The following NEK11 variants were observed in gnomAD, a reference collection of about 807,000 sequenced individuals.
NEK11 encodes the protein NIMA related kinase 11, also known as serine/threonine-protein kinase Nek11.
NEK11 carries 72 observed loss-of-function variants against 80.7 expected under a neutral mutation model. The ratio of observed to expected loss-of-function variants is 0.89; its 90% CI spans 0.74 to 1.08. The LOEUF is 1.08. Ranked by LOEUF, NEK11 falls within the 50% of genes least tolerant of loss-of-function variation. The pLI is 0.00. For synonymous variants in NEK11, 251 were observed against 260.7 expected (o/e 0.96, Z 0.36); for missense variants, 764 against 763.6 (o/e 1.00, Z -0.01).
chr3:131,191,985 TC>T (rs1317394823), intron 14 of NEK11, among the ~76,000 whole-genome samples: 4 of 152,026 alleles, frequency 2.6e-5, no homozygotes, highest in Non-Finnish European at 5.9e-5. Flanking sequence ...AAGAACAGTA[TC>T]AACATAGTAA....
chr3:131,050,810 C>A (rs1251318325), intron 3 of NEK11, among the ~76,000 whole-genome samples: 1 of 152,170 alleles, frequency 6.6e-6, no homozygotes, highest in African/African-American at 2.4e-5. Flanking sequence ...AGGAGGATCG[C>A]TTGAACCCAG....
At chr3:131,058,321 A>C (rs368523474) in intron 3 of NEK11, among the ~76,000 whole-genome samples, 2 of 152,234 alleles carry the variant, frequency 1.3e-5, no homozygotes, top group East Asian at 1.9e-4. Context: ...GTCAGGTAGC[A>C]TGATGCCTCC....
chr3:131,040,690 G>A lies in NEK11; in HGVS notation c.170+10812G>A, dbSNP rs201435187. ...AGCTCAGAGAAAAATCATAGGCTTT[G>A]TTTTTGGTACCTTTATTGGGCAAGT... On this transcript the variant is annotated intron_variant, in intron 3 of 17. Transcript: ENST00000383366. Among the ~76,000 whole-genome samples, 7 of 152,128 alleles carry A rather than the reference G, an allele frequency of 4.6e-5. No homozygotes were observed. The East Asian group carries it at 1.3e-3, about 29-fold the overall frequency.
intron 14 of NEK11, among the ~76,000 whole-genome samples, chr3:131,196,589 A>G (rs993637059): frequency 2.0e-5 from 3 of 151,720 alleles, no homozygotes; most frequent in African/African-American, 7.3e-5. Flanking sequence ...GCTGGAGTAG[A>G]GTGGCATGAT....
chr3:131,070,406 A>T (rs1033812652), intron 3 of NEK11, among the ~76,000 whole-genome samples: 16 of 152,076 alleles, frequency 1.1e-4, no homozygotes, highest in African/African-American at 3.6e-4. Flanking sequence ...CAAAATGTAG[A>T]CTTCACCACC....
At chr3:131,165,268 TGC>T in intron 11 of NEK11, 156 bp from the exon 12 acceptor site, 1 of 578,696 alleles carries the variant, frequency 1.7e-6, no homozygotes, top group East Asian at 2.9e-5. Context: ...ATCAGCCGGG[TGC>T]TGCACCACAT....
At chr3:131,245,789 G>C (rs545825688) in intron 16 of NEK11, among the ~76,000 whole-genome samples, 2 of 151,610 alleles carry the variant, frequency 1.3e-5, no homozygotes, top group Admixed American at 6.6e-5. Flanking sequence ...CTTTTTATTC[G>C]AGTTAGTTGG....
At chr3:131,052,806 T>C (rs1456832073) in intron 3 of NEK11, among the ~76,000 whole-genome samples, 2 of 152,194 alleles carry the variant, frequency 1.3e-5, no homozygotes, top group Non-Finnish European at 2.9e-5. Context: ...CTCTGATGTC[T>C]TGAAAAATAT....
chr3:131,212,389 C>T (rs74575063), intron 14 of NEK11, among the ~76,000 whole-genome samples: 7 of 152,160 alleles, frequency 4.6e-5, no homozygotes, highest in Non-Finnish European at 7.3e-5. Context: ...GGCTGTATGA[C>T]GTGTCAGTCG....
chr3:131,184,944 C>T (rs2093536986), intron 14 of NEK11, among the ~76,000 whole-genome samples: 1 of 152,104 alleles, frequency 6.6e-6, no homozygotes, highest in Admixed American at 6.6e-5. Context: ...GGCCAGCCAT[C>T]CTTTAATAGA....
intron 17 of NEK11, among the ~76,000 whole-genome samples, chr3:131,331,608 G>A (rs894721534): frequency 6.6e-5 from 10 of 152,194 alleles, no homozygotes; most frequent in African/African-American, 9.6e-5. Context: ...GACAGTGGGC[G>A]CAGGACAGTG....
chr3:131,163,428 C>T (rs942402728), intron 11 of NEK11, among the ~76,000 whole-genome samples: 2 of 152,058 alleles, frequency 1.3e-5, no homozygotes, highest in African/African-American at 4.8e-5. Context: ...AAGGGAATCC[C>T]ATCATTTGCA....
At chr3:131,028,175 T>G (rs2064185068) in intron 2 of NEK11, among the ~76,000 whole-genome samples, 173 bp downstream of exon 2, 1 of 152,258 alleles carries the variant, frequency 6.6e-6, no homozygotes, top group African/African-American at 2.4e-5. Context: ...TGGTAACTAA[T>G]CTCACTGGTA....
At chr3:131,198,759 C>T (rs112607890) in intron 14 of NEK11, among the ~76,000 whole-genome samples, 2,169 of 152,290 alleles carry the variant, frequency 0.014, 48 homozygotes, top group African/African-American at 0.05. Flanking sequence ...GCAAGCTTAA[C>T]GCTGGGGCTT....
intron 14 of NEK11, among the ~76,000 whole-genome samples, chr3:131,223,699 C>T (rs1159377317): frequency 2.0e-5 from 3 of 152,128 alleles, no homozygotes; most frequent in Admixed American, 1.3e-4. Context: ...TAGCCCTTTA[C>T]AGAACATATT....
chr3:131,185,949 C>T (rs1002020620), intron 14 of NEK11, among the ~76,000 whole-genome samples: 2 of 152,100 alleles, frequency 1.3e-5, no homozygotes, highest in African/African-American at 4.8e-5. Flanking sequence ...TATTCCCAAG[C>T]CTCAGTTTTC....
chr3:131,115,088 G>A (rs1334545033), intron 5 of NEK11, among the ~76,000 whole-genome samples: 1 of 152,202 alleles, frequency 6.6e-6, no homozygotes, highest in African/African-American at 2.4e-5. Context: ...TGTGGACTCA[G>A]TAAAGTAGAT....
intron 17 of NEK11, among the ~76,000 whole-genome samples, chr3:131,275,909 T>G (rs956405347): frequency 6.6e-6 from 1 of 152,180 alleles, no homozygotes; most frequent in African/African-American, 2.4e-5. Flanking sequence ...ATAGTGGTTA[T>G]GTAATATGAG....
chr3:131,263,234 T>C (rs2095968809), intron 16 of NEK11, among the ~76,000 whole-genome samples: 1 of 152,114 alleles, frequency 6.6e-6, no homozygotes, highest in South Asian at 2.1e-4. Flanking sequence ...CTCCACCCTG[T>C]GTCCAAGTGT....
Sources: allele counts gnomAD v4.1 joint callset (sites outside exome capture counted in the v4.1 genomes callset), GRCh38; gene constraint gnomAD v4.1.1; transcripts MANE v1.5; gene names NCBI Gene and HGNC (gene_info 2026-07-23, HGNC 2026-07-21).